The following ANKIB1 variants were observed in gnomAD, a reference collection of about 807,000 sequenced individuals.
ANKIB1 encodes the protein ankyrin repeat and IBR domain containing 1.
ANKIB1 carries 43 observed loss-of-function variants against 122.1 expected under a neutral mutation model. The observed-to-expected ratio is 0.35, with a 90% confidence interval of 0.28 to 0.45. The LOEUF (loss-of-function observed/expected upper bound fraction) is 0.45, where lower values mean the gene tolerates loss of function less well. ANKIB1 is among the 20% of genes least tolerant of loss of function. ANKIB1 has a pLI of 1.00. For missense variants in ANKIB1, 992 were observed against 1,329.5 expected (o/e 0.75, Z 3.95); for synonymous variants, 390 against 442.0 (o/e 0.88, Z 1.48).
At chr7:92,262,807 G>C (rs891183584) in intron 1 of ANKIB1, among the ~76,000 whole-genome samples, 1 of 152,106 alleles carries the variant, frequency 6.6e-6, no homozygotes, top group Non-Finnish European at 1.5e-5. Context: ...ACAGCTGTGT[G>C]ATTCTAGGCA....
rs1305027029 is a variant in ANKIB1, at chr7:92,381,170, G to A, written c.1618-5339G>A. Among the ~76,000 whole-genome samples the A allele has an allele frequency of 5.3e-5, 8 of 152,250 alleles. No individual in the cohort carries two copies. The South Asian group carries it at 6.2e-4, about 12-fold the overall frequency. Reference sequence around the variant, plus strand: ...TTGAAGATCAAATTAATGAAATGACGCAAGTAGGGAAGTTGGGAGAAAAAA... The same window carrying A: ...TTGAAGATCAAATTAATGAAATGACACAAGTAGGGAAGTTGGGAGAAAAAA... On this transcript the variant is annotated intron_variant, in intron 11 of 19. Coordinates refer to ENST00000265742, the MANE Select transcript of ANKIB1 (RefSeq NM_019004.2).
chr7:92,276,598 T>G (rs1029332169), intron 1 of ANKIB1, among the ~76,000 whole-genome samples: 48 of 152,346 alleles, frequency 3.2e-4, no homozygotes, highest in African/African-American at 1.1e-3. Context: ...GCTAAGCCCT[T>G]TAGAGGTCCA....
At chr7:92,318,677 A>G (rs906619241) in intron 3 of ANKIB1, among the ~76,000 whole-genome samples, 3 of 152,170 alleles carry the variant, frequency 2.0e-5, no homozygotes, top group Non-Finnish European at 4.4e-5. Flanking sequence ...GCTAGCAGAA[A>G]CCTCATTACT....
Position 92,399,073 on chromosome 7 carries a change from A to T in ANKIB1, c.*124A>T. On this transcript the variant is annotated 3_prime_UTR_variant, in exon 20 of 20. Coordinates refer to ENST00000265742, the MANE Select transcript of ANKIB1 (RefSeq NM_019004.2). The stretch of plus-strand genomic sequence containing the variant: ...TGATAAACCACTGACATTAGGGTTG[A>T]ATACAGAGAAGTTCCCTTGAATGGT... The T allele has an allele frequency of 1.8e-6, 2 of 1,100,542 alleles. No individual in the cohort carries two copies. Among genetic ancestry groups the T allele is most frequent in the Non-Finnish European group, 2.4e-6 (2 of 831,712 alleles). The allele number at this position is 1,100,542 out of a possible 1,614,324, so 68.2% of individuals were successfully genotyped here.
chr7:92,265,216 C>G (rs146561978), intron 1 of ANKIB1, among the ~76,000 whole-genome samples: 1 of 152,002 alleles, frequency 6.6e-6, no homozygotes, highest in Admixed American at 6.6e-5. Context: ...TGGCCTCAAG[C>G]GATCTTACCA....
chr7:92,247,035 C>T (rs559982183), intron 1 of ANKIB1, among the ~76,000 whole-genome samples: 3 of 152,154 alleles, frequency 2.0e-5, no homozygotes, highest in Non-Finnish European at 2.9e-5. Flanking sequence ...TATTCTTCTC[C>T]GTATGTATGA....
At position 92,398,870 on chromosome 7, in the gene ANKIB1, A is replaced by G. The variant is rs369450703; in HGVS notation, c.3191A>G (p.Asn1064Ser). 27 of 1,606,174 alleles carry G rather than the reference A, an allele frequency of 1.7e-5. No individual in the cohort carries two copies. The highest frequency in any genetic ancestry group is 2.7e-5 in the African/African-American group (2 of 74,804). ...GGTGACAGTGGTAACGAGGCAGCCA[A>G]CAGAGGAGATGGTTCAGATGTTTCA... ...QAGDSGNEAA[N>S]RGDGSDVSSQ... Residue 1064 changes from asparagine to serine, a missense_variant, in exon 20 of 20, where the codon AAC becomes AGC. By Grantham distance (46) the Asn-to-Ser change is conservative (BLOSUM62 1). Transcript: ENST00000265742.
chr7:92,361,897 C>T (rs962996508), intron 9 of ANKIB1, among the ~76,000 whole-genome samples: 2 of 152,108 alleles, frequency 1.3e-5, no homozygotes, highest in Non-Finnish European at 2.9e-5. Flanking sequence ...GCAACCTCCA[C>T]CTCCCAGGTT....
intron 1 of ANKIB1, among the ~76,000 whole-genome samples, chr7:92,294,159 A>G (rs1802304032): frequency 1.3e-5 from 2 of 152,244 alleles, no homozygotes; most frequent in African/African-American, 4.8e-5. Context: ...TAAATAAATT[A>G]GCAATCACAT....
chr7:92,293,939 AG>A (rs1418667171), intron 1 of ANKIB1, among the ~76,000 whole-genome samples: 1 of 152,246 alleles, frequency 6.6e-6, no homozygotes. Context: ...GGACTGCAGT[AG>A]GTACTTTAAG....
chr7:92,312,930 G>T (rs934949189), intron 3 of ANKIB1, among the ~76,000 whole-genome samples: 2 of 152,072 alleles, frequency 1.3e-5, no homozygotes, highest in African/African-American at 4.8e-5. Context: ...TGAGAGGGGT[G>T]GTGGGTTAGG....
chr7:92,308,495 T>G (rs1312728064), intron 3 of ANKIB1, among the ~76,000 whole-genome samples: 1 of 152,102 alleles, frequency 6.6e-6, no homozygotes, highest in Non-Finnish European at 1.5e-5. Flanking sequence ...ACAAATACAT[T>G]TATTGGAGTC....
chr7:92,280,888 G>T (rs1273343750), intron 1 of ANKIB1, among the ~76,000 whole-genome samples: 2 of 152,164 alleles, frequency 1.3e-5, no homozygotes, highest in Non-Finnish European at 2.9e-5. Context: ...CAGTGCATTT[G>T]CCATATTTTA....
intron 10 of ANKIB1, among the ~76,000 whole-genome samples, chr7:92,365,457 A>G (rs1357145280): frequency 1.3e-5 from 2 of 152,244 alleles, no homozygotes; most frequent in Admixed American, 6.5e-5. Context: ...AATTCATACA[A>G]TCACTTTAGT....
chr7:92,285,886 G>C (rs1802113163), intron 1 of ANKIB1, among the ~76,000 whole-genome samples: 1 of 152,196 alleles, frequency 6.6e-6, no homozygotes, highest in Non-Finnish European at 1.5e-5. Context: ...TCCCTGTGCA[G>C]ATCCCCAGCT....
At chr7:92,257,920 C>G (rs1211779965) in intron 1 of ANKIB1, among the ~76,000 whole-genome samples, 3 of 152,166 alleles carry the variant, frequency 2.0e-5, no homozygotes, top group African/African-American at 7.2e-5. Context: ...TGATCTTTCT[C>G]TATTTCTGTA....
In ANKIB1 at chr7:92,335,628, T is replaced by A. The variant is rs1803271974; in HGVS notation, c.788-7396T>A. 3.3e-5 allele frequency among the ~76,000 whole-genome samples: 5 copies of A among 152,086 alleles called. No homozygotes were observed. The South Asian group carries it at 1.0e-3, about 31-fold the overall frequency. On this transcript the variant is annotated intron_variant, in intron 5 of 19. Transcript: ENST00000265742. ...TTCTCACCATGAAATGTCCCTTATC[T>A]TTTTTTACTATTTTTTCTTTATCTG...
intron 5 of ANKIB1, among the ~76,000 whole-genome samples, chr7:92,338,674 G>A (rs1208615936): frequency 6.6e-6 from 1 of 150,958 alleles, no homozygotes; most frequent in Non-Finnish European, 1.5e-5. Flanking sequence ...CACTTTGGGA[G>A]GCCAAGGCGG....
At chr7:92,347,627 A>G (rs972927718) in intron 7 of ANKIB1, among the ~76,000 whole-genome samples, 2 of 152,192 alleles carry the variant, frequency 1.3e-5, no homozygotes, top group African/African-American at 4.8e-5. Context: ...TTGATCGATC[A>G]ATCGACAGAT....
Sources: gnomAD v4.1 joint callset for allele counts (sites outside exome capture counted in the v4.1 genomes callset) on GRCh38, gnomAD v4.1.1 for gene constraint, MANE v1.5 for transcripts, NCBI Gene and HGNC (gene_info 2026-07-23, HGNC 2026-07-21) for gene names.